The following GABRQ variants were observed in gnomAD, a reference collection of about 807,000 sequenced individuals.
GABRQ encodes the protein gamma-aminobutyric acid receptor subunit theta.
In GABRQ, 19 loss-of-function variants were observed where a neutral mutation model predicts 30.5. That is an observed-to-expected ratio of 0.62 (90% confidence interval 0.43 to 0.91). The LOEUF is 0.91. GABRQ is among the 40% of genes least tolerant of loss of function. GABRQ has a pLI of 0.00. For missense variants in GABRQ, 520 were observed against 521.4 expected, an observed-to-expected ratio of 1.00 and a Z score of 0.03; for synonymous variants, 187 against 210.2, an observed-to-expected ratio of 0.89 and a Z score of 0.95.
Position 152,647,167 on chromosome X carries a change from C to T in GABRQ, c.526C>T (p.Arg176Ter). Residue 176 changes from arginine (R) to a stop codon, truncating the protein, a stop_gained and splice_region_variant, in exon 4 of 9, where the codon CGA becomes TGA. Transcript: ENST00000598523. LOFTEE classifies it high-confidence loss of function. ...HPDGTVRYGI[R>*]LTTTAACSLD... Reference sequence around the variant, plus strand: ...AGATGGAACGGTGCGGTACGGCATCCGGTGAGTCCCCTAGGGGTCTGGGGA... The same window carrying T: ...AGATGGAACGGTGCGGTACGGCATCTGGTGAGTCCCCTAGGGGTCTGGGGA... The T allele has an allele frequency of 8.5e-7, 1 of 1,175,604 alleles. No homozygotes were observed. The highest frequency in any genetic ancestry group is 1.2e-6 in the Non-Finnish European group (1 of 862,535).
chrX:152,651,613 T>G lies in GABRQ; in HGVS notation c.989T>G (p.Ile330Ser), dbSNP rs371012668. 8.3e-7 allele frequency: 1 copy of G among 1,206,552 alleles called. No individual in the cohort carries two copies. The highest frequency in any genetic ancestry group is 1.8e-5 in the South Asian group (1 of 56,894). The change falls in exon 8 of 9, where the codon ATC becomes AGC. Residue 330 changes from isoleucine (I) to serine (S), a missense_variant. By Grantham distance (142) the Ile-to-Ser change is moderately radical (BLOSUM62 -2). Transcript: ENST00000598523. ...ATTTCCTGTATCAAGGCCATTGATATCTATATCCTCGTGTGCTTGTTCTTT... is the reference window on the plus strand; with the variant it reads ...ATTTCCTGTATCAAGGCCATTGATAGCTATATCCTCGTGTGCTTGTTCTTT... Reference protein sequence around the residue: ...PNISCIKAIDIYILVCLFFVF... With the variant: ...PNISCIKAIDSYILVCLFFVF...
Position 152,653,463 on chromosome X carries a change from G to A in GABRQ, c.*182G>A. The A allele has an allele frequency of 2.4e-6, 1 of 421,691 alleles. No individual in the cohort carries two copies. Among genetic ancestry groups the A allele is most frequent in the Non-Finnish European group, 4.1e-6 (1 of 245,114 alleles). 34.8% of individuals were successfully genotyped at this position (421,691 alleles called of 1,213,427 possible). ...AATTGGAAAGAACATGTTCTAGCTG[G>A]AAGGGAAGGGATTGAGGAGGAGTTG... On this transcript the variant is annotated 3_prime_UTR_variant, in exon 9 of 9. Transcript: ENST00000598523.
chrX:152,657,287 G>T lies in GABRQ; in HGVS notation c.*4006G>T, dbSNP rs1364650577. 1 of 111,211 alleles carries T rather than the reference G, an allele frequency of 9.0e-6. No individual in the cohort carries two copies. The highest frequency in any genetic ancestry group is 3.3e-5 in the African/African-American group (1 of 30,506). 9.2% of individuals were successfully genotyped at this position (111,211 alleles called of 1,213,427 possible). A position where few individuals can be genotyped will look rare whatever the true frequency, so the allele number is the denominator to read the frequency against. ...GGCAGTGAAAATCAAGAAAAGAGGA[G>T]AAAGACCAAGACCTGGATGTCCTGG... On this transcript the variant is annotated 3_prime_UTR_variant, in exon 9 of 9. Transcript: ENST00000598523.
At position 152,651,425 on chromosome X, in the gene GABRQ, G is replaced by A. The variant is rs1210291604; in HGVS notation, c.902-101G>A. 7.7e-6 allele frequency: 5 copies of A among 649,738 alleles called. No homozygotes were observed. In the African/African-American group the frequency reaches 8.8e-5, roughly 11 times the overall value. 53.5% of individuals were successfully genotyped at this position (649,738 alleles called of 1,213,427 possible). ...AAAGAGAGAGCCGAAGGCCTTTGCT[G>A]TGGGCCCTCCTCACCCCAAATATGT... On this transcript the variant is annotated intron_variant, in intron 7 of 8. Coordinates refer to ENST00000598523, the MANE Select transcript of GABRQ (RefSeq NM_018558.4).
chrX:152,649,353 C>G lies in GABRQ; in HGVS notation c.610+20C>G. 2 of 963,993 alleles carry G rather than the reference C, an allele frequency of 2.1e-6. No individual in the cohort carries two copies. Among genetic ancestry groups the G allele is most frequent in the African/African-American group, 1.9e-5 (1 of 53,132 alleles). The allele number at this position is 963,993 out of a possible 1,213,427, so 79.4% of individuals were successfully genotyped here. On this transcript the variant is annotated intron_variant, in intron 5 of 8. Coordinates refer to ENST00000598523, the MANE Select transcript of GABRQ (RefSeq NM_018558.4). ...AGAGCTGTACGTATGTCTCCTATGG[C>G]CCCTTCTTCCGTACTTGGGGCTGTG...
chrX:152,640,498 G>T (rs1644552118), intron 2 of GABRQ, 32 bp downstream of exon 2: 4 of 905,503 alleles, frequency 4.4e-6, no homozygotes, highest in Non-Finnish European at 6.5e-6. Context: ...GAGAACTTGG[G>T]TTAGGTGTCC....
At chrX:152,647,639 C>G (rs1490465033) in intron 4 of GABRQ, among the ~76,000 whole-genome samples, 1 of 111,810 alleles carries the variant, frequency 8.9e-6, no homozygotes, top group African/African-American at 3.3e-5. Context: ...CTGCTTTCTG[C>G]CTTCAGTCAT....
In GABRQ at chrX:152,645,598, A is replaced by C. The variant is rs1930869508; in HGVS notation, c.306+4A>C. ...ACAGATCTCAGAAATGAATATGGTA[A>C]GTGTGTTATTTCCAGCCATGGGGTT... On this transcript the variant is annotated splice_donor_region_variant and intron_variant, in intron 3 of 8. Coordinates refer to ENST00000598523, the MANE Select transcript of GABRQ (RefSeq NM_018558.4). 1 of 1,052,033 alleles carries C rather than the reference A, an allele frequency of 9.5e-7. No individual in the cohort carries two copies. Among genetic ancestry groups the C allele is most frequent in the Non-Finnish European group, 1.3e-6 (1 of 751,597 alleles). 86.7% of individuals were successfully genotyped at this position (1,052,033 alleles called of 1,213,427 possible).
In GABRQ at chrX:152,652,848, A is replaced by T; in HGVS notation, c.1466A>T (p.His489Leu). Reference sequence around the variant, plus strand: ...GAAATCCGCAACCGTGTCGAAGCCCATGGCCATGGTGTTACCCATGACCAT... The same window carrying T: ...GAAATCCGCAACCGTGTCGAAGCCCTTGGCCATGGTGTTACCCATGACCAT... ...PTEIRNRVEAHGHGVTHDHED... is the reference protein window; with the variant it reads ...PTEIRNRVEALGHGVTHDHED... Residue 489 changes from histidine (H) to leucine (L), a missense_variant, in exon 9 of 9, where the codon CAT (histidine) becomes CTT (leucine). By Grantham distance (99) the His-to-Leu change is moderately conservative. Coordinates refer to ENST00000598523, the MANE Select transcript of GABRQ (RefSeq NM_018558.4). 1 of 1,210,768 alleles carries T rather than the reference A, an allele frequency of 8.3e-7. No homozygotes were observed. Among genetic ancestry groups the T allele is most frequent in the Non-Finnish European group, 1.1e-6 (1 of 894,199 alleles).
At chrX:152,639,380 A>ACACACG (rs1365600313) in intron 1 of GABRQ, among the ~76,000 whole-genome samples, 19 of 84,466 alleles carry the variant, frequency 2.2e-4, no homozygotes, top group African/African-American at 7.7e-4. Flanking sequence ...GCGCGTGCGC[A>ACACACG]CACACACACA....
At chrX:152,640,259 G>A in intron 1 of GABRQ, 119 bp from the exon 2 acceptor site, 1 of 536,295 alleles carries the variant, frequency 1.9e-6, no homozygotes, top group East Asian at 3.3e-5. Context: ...GAGAGAGTGT[G>A]TACACGTATG....
At chrX:152,639,189 C>A (rs1313404740) in intron 1 of GABRQ, among the ~76,000 whole-genome samples, 1 of 106,509 alleles carries the variant, frequency 9.4e-6, no homozygotes, top group Non-Finnish European at 1.9e-5. Context: ...TTTTGGGATG[C>A]TGCAAAATGA....
At position 152,647,156 on chromosome X, in the gene GABRQ, G is replaced by A. The variant is rs782331121; in HGVS notation, c.515G>A (p.Arg172Gln). ...VFQLHPDGTVRYGIRLTTTAA... is the reference protein window; with the variant it reads ...VFQLHPDGTVQYGIRLTTTAA... ...CAGCTTCACCCAGATGGAACGGTGC[G>A]GTACGGCATCCGGTGAGTCCCCTAG... The change falls in exon 4 of 9, where the codon CGG becomes CAG. Residue 172 changes from arginine (R) to glutamine (Q), a missense_variant. Arg to Gln is a conservative substitution (Grantham distance 43). Coordinates refer to ENST00000598523, the MANE Select transcript of GABRQ (RefSeq NM_018558.4). 5.6e-5 allele frequency: 67 copies of A among 1,199,622 alleles called. No individual in the cohort carries two copies. The highest frequency in any genetic ancestry group is 7.1e-5 in the Non-Finnish European group (63 of 884,507).
chrX:152,653,426 G>A lies in GABRQ; in HGVS notation c.*145G>A, dbSNP rs1931084542. The A allele has an allele frequency of 2.2e-6, 1 of 453,984 alleles. No individual in the cohort carries two copies. Among genetic ancestry groups the A allele is most frequent in the African/African-American group, 2.4e-5 (1 of 41,209 alleles). 37.4% of individuals were successfully genotyped at this position (453,984 alleles called of 1,213,427 possible). On this transcript the variant is annotated 3_prime_UTR_variant, in exon 9 of 9. Transcript: ENST00000598523. ...AGTTCATACTTCTCTTTATAAACAT[G>A]AGGTGGGGAGTAATTGGAAAGAACA...
At chrX:152,658,920 A>G (rs1931198940), downstream of GABRQ, among the ~76,000 whole-genome samples, 1 of 111,552 alleles carries the variant, frequency 9.0e-6, no homozygotes. Flanking sequence ...TGAAACCTCC[A>G]CCTTCCTCTC....
At chrX:152,658,626 C>A (rs782403403), downstream of GABRQ, among the ~76,000 whole-genome samples, 5 of 112,071 alleles carry the variant, frequency 4.5e-5, no homozygotes, top group Non-Finnish European at 9.4e-5. Context: ...ATGGGAGCAG[C>A]CCCAGGGGAA....
rs1434961833 is a variant in GABRQ, at chrX:152,652,678, C to T, written c.1296C>T (p.Leu432=). The T allele has an allele frequency of 1.1e-5, 13 of 1,210,380 alleles. No homozygotes were observed. The highest frequency in any genetic ancestry group is 1.5e-5 in the Non-Finnish European group (13 of 894,983). ...EQAQLATSES[L]SPLTSLSGQA... ...CCCAGCTGGCCACCTCGGAAAGCCTCAGCCCACTCACTTCTCTCTCAGGCC... is the reference window on the plus strand; with the variant it reads ...CCCAGCTGGCCACCTCGGAAAGCCTTAGCCCACTCACTTCTCTCTCAGGCC... The change falls in exon 9 of 9, where the codon CTC becomes CTT. Residue 432 remains leucine, a synonymous_variant. Coordinates refer to ENST00000598523, the MANE Select transcript of GABRQ (RefSeq NM_018558.4).
At chrX:152,641,581 C>G (rs931967804) in intron 2 of GABRQ, among the ~76,000 whole-genome samples, 1 of 111,894 alleles carries the variant, frequency 8.9e-6, no homozygotes, top group Non-Finnish European at 1.9e-5. Flanking sequence ...CTGGTGCTTC[C>G]CCTTAGCTCC....
At position 152,640,171 on chromosome X, in the gene GABRQ, G is replaced by C. The variant is rs1556818106; in HGVS notation, c.150-207G>C. On this transcript the variant is annotated intron_variant, in intron 1 of 8. Coordinates refer to ENST00000598523, the MANE Select transcript of GABRQ (RefSeq NM_018558.4). ...CCCTCTGGATTAAAGCTGGGAAGGT[G>C]GGGGGGGGAGGAAAGAGGAGTCTGC... Among the ~76,000 whole-genome samples, 8 of 67,530 alleles carry C rather than the reference G, an allele frequency of 1.2e-4. No individual in the cohort carries two copies. The East Asian group carries it at 2.2e-3, about 19-fold the overall frequency. 58.6% of individuals were successfully genotyped at this position (67,530 alleles called of 115,157 possible).
Sources: gnomAD v4.1 joint callset for allele counts (sites outside exome capture counted in the v4.1 genomes callset) on GRCh38, gnomAD v4.1.1 for gene constraint, MANE v1.5 for transcripts, NCBI Gene and HGNC (gene_info 2026-07-23, HGNC 2026-07-21) for gene names.